KANSL3: variants seen among roughly 807,000 people sequenced by gnomAD.
KANSL3 encodes the protein NSL complex protein NSL3.
KANSL3 carries 16 observed loss-of-function variants against 89.2 expected under a neutral mutation model. The observed-to-expected ratio is 0.18, with a 90% CI of 0.12 to 0.27. The LOEUF (loss-of-function observed/expected upper bound fraction) is 0.27, where lower values mean the gene tolerates loss of function less well. KANSL3 is among the 10% of genes least tolerant of loss of function. The probability of loss-of-function intolerance (pLI) is 1.00; values close to 1 mark genes in which losing one functional copy is unlikely to be tolerated. For synonymous variants in KANSL3, 385 were observed against 419.7 expected (o/e 0.92, Z 1.01); for missense variants, 879 against 1,110.6 (o/e 0.79, Z 2.96).
rs751145546 is a variant in KANSL3 at position 96,612,335 on chromosome 2, G to A, written c.1033C>T (p.His345Tyr). Residue 345 changes from histidine (H) to tyrosine (Y), a missense_variant, in exon 9 of 21, where the codon CAC becomes TAC. By Grantham distance (83) the His-to-Tyr change is moderately conservative. Transcript: ENST00000431828. Reference protein sequence around the residue: ...KVLEIHSHFPHKPIILIGWNT... With the variant: ...KVLEIHSHFPYKPIILIGWNT... Reference sequence around the variant, plus strand: ...CAGCCAATCAAGATAATGGGTTTGTGTGGGAAATGGCTGTGAATCTTCATG... The same window carrying A: ...CAGCCAATCAAGATAATGGGTTTGTATGGGAAATGGCTGTGAATCTTCATG... 1.9e-6 allele frequency: 3 copies of A among 1,613,594 alleles called. No homozygotes were observed. In the African/African-American group the frequency reaches 4.0e-5, roughly 22 times the overall value.
rs999152544 is a variant in KANSL3, at chr2:96,619,458, A to C, written c.564T>G (p.Asp188Glu). 10 of 1,613,976 alleles carry C rather than the reference A, an allele frequency of 6.2e-6. No individual in the cohort carries two copies. The South Asian group carries it at 1.1e-4, about 18-fold the overall frequency. ...TGTGCAGCCACTGGATCAGCTTGGT[A>C]TCCCAGCTCACACTTGCCAGAGCCT... Reference protein sequence around the residue: ...VRQALASVSWDTKLIQWLHTT... With the variant: ...VRQALASVSWETKLIQWLHTT... The change falls in exon 5 of 21, where the codon GAT becomes GAG. Residue 188 changes from aspartate to glutamate, a missense_variant. By Grantham distance (45) the Asp-to-Glu change is conservative. Around this residue, in one of 6 missense-constraint regions of KANSL3, gnomAD observed 210 missense variants for 311.9 expected, o/e 0.67. Transcript: ENST00000431828.
chr2:96,633,214 C>T (rs2073720582), intron 2 of KANSL3, among the ~76,000 whole-genome samples: 1 of 151,320 alleles, frequency 6.6e-6, no homozygotes, highest in Admixed American at 6.6e-5. Flanking sequence ...GCCAAAATTG[C>T]ACCACTGTAC....
rs1385767940 is a variant in KANSL3 at position 96,593,585 on chromosome 2, T to C, written c.*2026A>G. ...CGTTCTCACAGCTCCCCTTCTTCAG[T>C]TGTGGAGTTCTTCAAGGTGGACAGA... On this transcript the variant is annotated 3_prime_UTR_variant, in exon 21 of 21. Coordinates refer to ENST00000431828, the MANE Select transcript of KANSL3 (RefSeq NM_001115016.3). 4 of 315,316 alleles carry C rather than the reference T, an allele frequency of 1.3e-5. No individual in the cohort carries two copies. The highest frequency in any genetic ancestry group is 8.6e-5 in the African/African-American group (4 of 46,266). 19.5% of individuals were successfully genotyped at this position (315,316 alleles called of 1,614,324 possible).
chr2:96,630,912 A>G (rs991085874), intron 3 of KANSL3, among the ~76,000 whole-genome samples: 10 of 152,350 alleles, frequency 6.6e-5, no homozygotes, highest in Admixed American at 5.9e-4. Flanking sequence ...AACTTCCATC[A>G]TCCTAGTTAT....
intron 2 of KANSL3, among the ~76,000 whole-genome samples, chr2:96,633,823 C>T (rs1204812629): frequency 3.9e-5 from 6 of 152,112 alleles, no homozygotes; most frequent in South Asian, 2.1e-4. Context: ...CAAGATTGCA[C>T]CACTGCACTC....
chr2:96,638,116 G>GC lies in KANSL3; in HGVS notation c.-51+166dup, dbSNP rs796088412. 1.7e-3 allele frequency: 170 copies of GC among 101,692 alleles called. 1 individual carries two copies. The highest frequency in any genetic ancestry group is 6.1e-3 in the African/African-American group (162 of 26,764). 6.3% of individuals were successfully genotyped at this position (101,692 alleles called of 1,614,324 possible). A position where few individuals can be genotyped will look rare whatever the true frequency, so the allele number is the denominator to read the frequency against. On this transcript the variant is annotated intron_variant, in intron 1 of 20. Transcript: ENST00000431828. ...GCCCAGACGCGGCCCCTGCCAGCCC[G>GC]CCCCCGGCCCGACCCGCCCCGCCCG...
intron 3 of KANSL3, among the ~76,000 whole-genome samples, chr2:96,624,364 C>G (rs1573565115): frequency 1.3e-5 from 2 of 152,154 alleles, no homozygotes; most frequent in Admixed American, 1.3e-4. Context: ...ATGGATATAT[C>G]TCCATGTTAA....
At chr2:96,623,257 C>A (rs866755809) in intron 3 of KANSL3, among the ~76,000 whole-genome samples, 1 of 152,150 alleles carries the variant, frequency 6.6e-6, no homozygotes, top group Admixed American at 6.5e-5. Flanking sequence ...CATATTAATG[C>A]GGAGGAGCAA....
Position 96,612,549 on chromosome 2 carries a change from G to A in KANSL3, c.927C>T (p.Ala309=), listed in dbSNP as rs754090529. The A allele has an allele frequency of 7.5e-5, 121 of 1,613,426 alleles. No homozygotes were observed. Among genetic ancestry groups the A allele is most frequent in the Non-Finnish European group, 1.0e-4 (120 of 1,179,538 alleles). The change falls in exon 8 of 21, where the codon GCC becomes GCT. Residue 309 remains alanine, a synonymous_variant. Transcript: ENST00000431828. ...LSCLGKVIPV[A]THLLNNGSGV... ...CACTGCCATTGTTCAGCAGATGGGTGGCTACAGGGATGACCTGAAGGAAAG... is the reference window on the plus strand; with the variant it reads ...CACTGCCATTGTTCAGCAGATGGGTAGCTACAGGGATGACCTGAAGGAAAG...
intron 3 of KANSL3, chr2:96,627,917 C>T: frequency 7.8e-7 from 1 of 1,289,734 alleles, no homozygotes; most frequent in Non-Finnish European, 1.0e-6. Context: ...ACAAAAGTTA[C>T]CTACCAAAAG....
chr2:96,614,124 C>G (rs776836578), intron 5 of KANSL3, among the ~76,000 whole-genome samples: 4 of 152,204 alleles, frequency 2.6e-5, no homozygotes, highest in Non-Finnish European at 5.9e-5. Context: ...CAAAGTCTCG[C>G]TCTGTCGCCC....
Position 96,601,760 on chromosome 2 carries a change from G to T in KANSL3, c.2499C>A (p.Thr833=). Residue 833 remains threonine, a synonymous_variant, in exon 20 of 21, where the codon ACC becomes ACA. Coordinates refer to ENST00000431828, the MANE Select transcript of KANSL3 (RefSeq NM_001115016.3). Reference sequence around the variant, plus strand: ...GGCCACGAAGTGTCAGAGTAATGGTGGTGGGGACCTTCAAGCCTGAGATAA... The same window carrying T: ...GGCCACGAAGTGTCAGAGTAATGGTTGTGGGGACCTTCAAGCCTGAGATAA... The part of the protein sequence containing the change: ...SNQASGLKVP[T]TITLTLRGQP... The T allele has an allele frequency of 6.4e-7, 1 of 1,574,276 alleles. No homozygotes were observed. Among genetic ancestry groups the T allele is most frequent in the South Asian group, 1.2e-5 (1 of 85,846 alleles).
chr2:96,630,151 C>A (rs983625877), intron 3 of KANSL3, among the ~76,000 whole-genome samples: 1 of 152,088 alleles, frequency 6.6e-6, no homozygotes, highest in Admixed American at 6.5e-5. Context: ...ATCATATGAC[C>A]CAACAAGTCC....
chr2:96,630,538 G>T (rs867303443), intron 3 of KANSL3, among the ~76,000 whole-genome samples: 1 of 152,230 alleles, frequency 6.6e-6, no homozygotes, highest in African/African-American at 2.4e-5. Flanking sequence ...GAAACGGGAA[G>T]TAACTGTTTA....
the KANSL3 span, among the ~76,000 whole-genome samples, chr2:96,587,575 C>G: frequency 2.0e-5 from 3 of 152,140 alleles, no homozygotes; most frequent in Admixed American, 2.0e-4. Flanking sequence ...TAAAGAAGAT[C>G]GAGTTTCATA....
At chr2:96,598,793 C>A (rs1423478886) in intron 20 of KANSL3, among the ~76,000 whole-genome samples, 2 of 151,334 alleles carry the variant, frequency 1.3e-5, no homozygotes, top group Non-Finnish European at 2.9e-5. Flanking sequence ...GCCTATAGTC[C>A]CAGCTACTCA....
intron 20 of KANSL3, among the ~76,000 whole-genome samples, chr2:96,598,470 T>C (rs1157315307): frequency 6.6e-6 from 1 of 152,230 alleles, no homozygotes; most frequent in East Asian, 1.9e-4. Flanking sequence ...TTCTTTCTTT[T>C]TTCATTTCGT....
At chr2:96,611,167 C>G in intron 9 of KANSL3, 29 bp from the exon 10 acceptor site, 1 of 1,600,906 alleles carries the variant, frequency 6.2e-7, no homozygotes, top group Non-Finnish European at 8.6e-7. Flanking sequence ...TTTGTCTAAA[C>G]GTCAACTGAG....
intron 20 of KANSL3, chr2:96,598,051 C>G: frequency 1.0e-6 from 1 of 975,714 alleles, no homozygotes; most frequent in Non-Finnish European, 1.2e-6. Flanking sequence ...AACTGGCTGG[C>G]CCAGGCCATG....
Sources: gnomAD v4.1 joint callset for allele counts (sites outside exome capture counted in the v4.1 genomes callset) on GRCh38, gnomAD v4.1.1 for gene constraint, gnomAD v4.1.1 regional missense constraint, MANE v1.5 for transcripts, NCBI Gene and HGNC (gene_info 2026-07-23, HGNC 2026-07-21) for gene names.